The following SEC23IP variants were observed in gnomAD, a reference collection of about 807,000 sequenced individuals.
SEC23IP encodes the protein SEC23-interacting protein.
In SEC23IP, 70 loss-of-function variants were observed where a neutral mutation model predicts 113.4. The observed-to-expected ratio is 0.62, with a 90% CI of 0.51 to 0.75. The LOEUF (loss-of-function observed/expected upper bound fraction) is 0.75. Ranked by LOEUF, SEC23IP falls within the 30% of genes least tolerant of loss-of-function variation. The pLI is 0.00. For synonymous variants in SEC23IP, 398 were observed against 421.0 expected, an observed-to-expected ratio of 0.95 and a Z score of 0.67; for missense variants, 1,160 against 1,204.9, an observed-to-expected ratio of 0.96 and a Z score of 0.55.
At chr10:119,910,765 C>T (rs577038621) in intron 5 of SEC23IP, among the ~76,000 whole-genome samples, 1 of 152,162 alleles carries the variant, frequency 6.6e-6, no homozygotes, top group South Asian at 2.1e-4. Context: ...TCGCTGCATC[C>T]TCGAACTCTG....
intron 18 of SEC23IP, among the ~76,000 whole-genome samples, chr10:119,937,358 G>A (rs756169061): frequency 6.6e-6 from 1 of 151,430 alleles, no homozygotes; most frequent in Non-Finnish European, 1.5e-5. Flanking sequence ...GGGCATGATG[G>A]CTCACGCCTG....
intron 1 of SEC23IP, among the ~76,000 whole-genome samples, chr10:119,897,709 T>C (rs1015205839): frequency 2.6e-5 from 4 of 152,028 alleles, no homozygotes; most frequent in African/African-American, 9.7e-5. Flanking sequence ...TAAAAAATAA[T>C]ATGTAAGGCT....
At chr10:119,893,004 C>G (rs1854143505) in intron 1 of SEC23IP, 59 bp downstream of exon 1, 3 of 1,552,976 alleles carry the variant, frequency 1.9e-6, no homozygotes, top group Non-Finnish European at 1.7e-6. Context: ...CGTGCAATGA[C>G]AAAGGTCAGA....
intron 6 of SEC23IP, among the ~76,000 whole-genome samples, chr10:119,912,653 T>G (rs1854904859): frequency 6.6e-6 from 1 of 150,938 alleles, no homozygotes; most frequent in South Asian, 2.1e-4. Flanking sequence ...TTTTTTTTTT[T>G]TTTTTCAGAC....
At chr10:119,919,358 ATTGT>A (rs1212334303) in intron 10 of SEC23IP, 82 bp from the exon 11 acceptor site, 5 of 1,263,416 alleles carry the variant, frequency 4.0e-6, no homozygotes, top group African/African-American at 3.0e-5. Context: ...GTAAAGCAAA[ATTGT>A]TTGAGAGTTT....
intron 8 of SEC23IP, among the ~76,000 whole-genome samples, chr10:119,917,604 C>G (rs1855095603): frequency 6.6e-6 from 1 of 152,046 alleles, no homozygotes; most frequent in African/African-American, 2.4e-5. Context: ...GTCTTGAACT[C>G]CTGACCTCAA....
At chr10:119,894,376 C>T (rs1445769806) in intron 1 of SEC23IP, among the ~76,000 whole-genome samples, 1 of 152,222 alleles carries the variant, frequency 6.6e-6, no homozygotes, top group African/African-American at 2.4e-5. Flanking sequence ...CTGGGAACAG[C>T]TGTACATGAA....
chr10:119,918,405 T>G lies in SEC23IP; in HGVS notation c.1766T>G (p.Leu589Trp). ...VAGHSLGSLILFDILSNQKDL... is the reference protein window; with the variant it reads ...VAGHSLGSLIWFDILSNQKDL... Reference sequence around the variant, plus strand: ...TTCTTTTTCATAGGTTCTTTAATATTGTTTGACATCCTGTCTAATCAAAAA... The same window carrying G: ...TTCTTTTTCATAGGTTCTTTAATATGGTTTGACATCCTGTCTAATCAAAAA... The change falls in exon 10 of 19, where the codon TTG (leucine) becomes TGG (tryptophan). Residue 589 changes from leucine (L) to tryptophan (W), a missense_variant. By Grantham distance (61) the Leu-to-Trp change is moderately conservative. Transcript: ENST00000369075. The G allele has an allele frequency of 6.3e-7, 1 of 1,598,380 alleles. No individual in the cohort carries two copies. The highest frequency in any genetic ancestry group is 8.6e-7 in the Non-Finnish European group (1 of 1,166,158).
At chr10:119,893,633 C>T (rs1401238861) in intron 1 of SEC23IP, among the ~76,000 whole-genome samples, 1 of 151,340 alleles carries the variant, frequency 6.6e-6, no homozygotes, top group African/African-American at 2.4e-5. Flanking sequence ...GATTCTCCTG[C>T]CTCAGCCTCC....
intron 9 of SEC23IP, 92 bp downstream of exon 9, chr10:119,918,136 A>T: frequency 9.3e-7 from 1 of 1,071,500 alleles, no homozygotes; most frequent in Non-Finnish European, 1.4e-6. Context: ...CAAAATTAAG[A>T]ATTACAGATT....
At chr10:119,928,815 A>G (rs1401688731) in intron 13 of SEC23IP, among the ~76,000 whole-genome samples, 1 of 152,238 alleles carries the variant, frequency 6.6e-6, no homozygotes, top group East Asian at 1.9e-4. Context: ...CTTTCAGGAC[A>G]AATCATTTTT....
chr10:119,914,017 G>A (rs1177577172), intron 6 of SEC23IP, among the ~76,000 whole-genome samples: 2 of 152,006 alleles, frequency 1.3e-5, no homozygotes, highest in Admixed American at 6.6e-5. Flanking sequence ...AAAATTAACT[G>A]GGCGTGGTGG....
chr10:119,932,039 A>G (rs1855622274), intron 15 of SEC23IP, 94 bp from the exon 16 acceptor site: 3 of 771,972 alleles, frequency 3.9e-6, no homozygotes. Flanking sequence ...AAACAGTCTT[A>G]TCCTGTCTGA....
intron 9 of SEC23IP, 141 bp downstream of exon 9, chr10:119,918,185 T>G: frequency 1.3e-6 from 1 of 772,670 alleles, no homozygotes; most frequent in Non-Finnish European, 2.0e-6. Flanking sequence ...GCTCTGAGTT[T>G]AGATTCTGCC....
intron 4 of SEC23IP, among the ~76,000 whole-genome samples, chr10:119,905,026 C>T (rs1854617285): frequency 6.6e-6 from 1 of 151,816 alleles, no homozygotes; most frequent in Non-Finnish European, 1.5e-5. Context: ...CCGAGCTACT[C>T]GGGAGGCTGA....
Position 119,930,464 on chromosome 10 carries a change from C to G in SEC23IP, c.2572+33C>G, listed in dbSNP as rs753394612. On this transcript the variant is annotated intron_variant, in intron 15 of 18. Coordinates refer to ENST00000369075, the MANE Select transcript of SEC23IP (RefSeq NM_007190.4). ...GCAAATACTATAAAAACTTTTTTTC[C>G]TGTCATTTGTAATCTGTAATGAATT... The G allele has an allele frequency of 1.3e-5, 16 of 1,277,398 alleles. 1 individual carries two copies. The African/African-American group carries it at 2.1e-4, about 17-fold the overall frequency. The allele number at this position is 1,277,398 out of a possible 1,614,324, so 79.1% of individuals were successfully genotyped here.
intron 1 of SEC23IP, among the ~76,000 whole-genome samples, chr10:119,897,624 T>C (rs1221181814): frequency 6.6e-6 from 1 of 152,212 alleles, no homozygotes; most frequent in East Asian, 1.9e-4. Flanking sequence ...TCTCTTGTTA[T>C]CACTATAGAA....
At chr10:119,895,685 G>A (rs1196300513) in intron 1 of SEC23IP, among the ~76,000 whole-genome samples, 1 of 152,174 alleles carries the variant, frequency 6.6e-6, no homozygotes, top group Non-Finnish European at 1.5e-5. Context: ...ATAGAAGTGA[G>A]GGAAACTGGA....
chr10:119,898,018 A>T (rs1160726821), intron 1 of SEC23IP, among the ~76,000 whole-genome samples: 13 of 151,414 alleles, frequency 8.6e-5, no homozygotes, highest in Admixed American at 7.9e-4. Context: ...AAAAAATAAA[A>T]AAAAAAAAAT....
Sources: gnomAD v4.1 joint callset for allele counts (sites outside exome capture counted in the v4.1 genomes callset) on GRCh38, gnomAD v4.1.1 for gene constraint, MANE v1.5 for transcripts, NCBI Gene and HGNC (gene_info 2026-07-23, HGNC 2026-07-21) for gene names.